CBFA2T3: variants seen among roughly 807,000 people sequenced by gnomAD.
CBFA2T3 encodes the protein transcriptional corepressor CBFA2T3.
A neutral mutation model predicts 58.6 loss-of-function variants in CBFA2T3; 31 were observed. The observed-to-expected ratio is 0.53, with a 90% CI of 0.40 to 0.71. The LOEUF (loss-of-function observed/expected upper bound fraction) is 0.71, where lower values mean the gene tolerates loss of function less well. Among genes scored for constraint, CBFA2T3 ranks in the 30% least tolerant of loss-of-function variants. CBFA2T3 has a pLI of 0.00. For missense variants in CBFA2T3, 1,076 were observed against 963.1 expected, an observed-to-expected ratio of 1.12 and a Z score of -1.55; for synonymous variants, 531 against 421.9, an observed-to-expected ratio of 1.26 and a Z score of -3.17.
chr16:88,897,419 C>G (rs1251587094), intron 3 of CBFA2T3, among the ~76,000 whole-genome samples: 1 of 152,258 alleles, frequency 6.6e-6, no homozygotes, highest in Non-Finnish European at 1.5e-5. Context: ...TCAAGCATGG[C>G]TGCACTCAGT....
intron 1 of CBFA2T3, among the ~76,000 whole-genome samples, chr16:88,908,611 G>A (rs1163256878): frequency 6.6e-6 from 1 of 152,174 alleles, no homozygotes; most frequent in Non-Finnish European, 1.5e-5. Flanking sequence ...ACAGCCCAGG[G>A]CTCCCAGCCT....
intron 1 of CBFA2T3, among the ~76,000 whole-genome samples, chr16:88,974,016 C>G (rs895013153): frequency 6.6e-6 from 1 of 152,214 alleles, no homozygotes; most frequent in Non-Finnish European, 1.5e-5. Context: ...TAAGGTGACA[C>G]CAGGCAGGCC....
chr16:88,882,772 G>A lies in CBFA2T3; in HGVS notation c.1118-11C>T. On this transcript the variant is annotated splice_polypyrimidine_tract_variant and intron_variant, in intron 7 of 11. Coordinates refer to ENST00000268679, the MANE Select transcript of CBFA2T3 (RefSeq NM_005187.6). ...GGGACCCAGGCACCACTGTGGATGG[G>A]GGAGGTGCACGCTTAGGTCCCACCC... The A allele has an allele frequency of 1.3e-6, 2 of 1,550,688 alleles. No individual in the cohort carries two copies. The highest frequency in any genetic ancestry group is 8.8e-7 in the Non-Finnish European group (1 of 1,141,600).
At chr16:88,971,072 G>A (rs1972644223) in intron 1 of CBFA2T3, among the ~76,000 whole-genome samples, 3 of 152,160 alleles carry the variant, frequency 2.0e-5, no homozygotes, top group Admixed American at 2.0e-4. Context: ...CCGTGGGTGT[G>A]CGCAGGTGTG....
chr16:88,882,615 TGTGTGCGTGGCTGTGC>T, intron 8 of CBFA2T3, 45 bp downstream of exon 8: 1 of 1,039,268 alleles, frequency 9.6e-7, no homozygotes, highest in African/African-American at 1.6e-5. Flanking sequence ...CGTGGCTGTG[TGTGTGCGTGGCTGTGC>T]GCCTGGGCAT....
In CBFA2T3 at chr16:88,958,189, A is replaced by G. The variant is rs1368928519; in HGVS notation, c.151+18468T>C. 6.6e-6 allele frequency among the ~76,000 whole-genome samples: 1 copy of G among 152,206 alleles called. No homozygotes were observed. Among genetic ancestry groups the G allele is most frequent in the Non-Finnish European group, 1.5e-5 (1 of 68,042 alleles). On this transcript the variant is annotated intron_variant, in intron 1 of 11. Transcript: ENST00000268679. This position sits in a 1 kb window ranked among gnomAD's most constrained non-coding sequence, Gnocchi z 4.0. ...CCTGGTCAGGCTGTCGGGGCCTCAG[A>G]CGGCAGAAACCTATCCCGAGAGGAA...
At chr16:88,896,008 C>T (rs913213307) in intron 3 of CBFA2T3, among the ~76,000 whole-genome samples, 4 of 152,196 alleles carry the variant, frequency 2.6e-5, no homozygotes, top group Middle Eastern at 3.2e-3. Flanking sequence ...CAGCCAGAGT[C>T]GCTCAGGCCT....
intron 1 of CBFA2T3, among the ~76,000 whole-genome samples, chr16:88,974,227 C>A (rs1463371559): frequency 6.6e-6 from 1 of 152,200 alleles, no homozygotes; most frequent in Non-Finnish European, 1.5e-5. Context: ...CTTGGGGGGA[C>A]AAGGCGGTGA....
chr16:88,924,920 C>G (rs1971036588), intron 1 of CBFA2T3, among the ~76,000 whole-genome samples: 1 of 152,228 alleles, frequency 6.6e-6, no homozygotes, highest in African/African-American at 2.4e-5. Flanking sequence ...CACAGAGCCA[C>G]ACTCCCCGCC....
chr16:88,910,200 C>T (rs1016234038), intron 1 of CBFA2T3, among the ~76,000 whole-genome samples: 2 of 152,372 alleles, frequency 1.3e-5, no homozygotes, highest in Non-Finnish European at 2.9e-5. Context: ...AATGCACTTC[C>T]ACCAGGTCCC....
intron 1 of CBFA2T3, among the ~76,000 whole-genome samples, chr16:88,907,941 A>C (rs760613667): frequency 1.3e-5 from 2 of 152,198 alleles, no homozygotes; most frequent in African/African-American, 2.4e-5. Context: ...CTGGGCATGC[A>C]GGAACTGGTC....
At chr16:88,923,940 A>G (rs1055284716) in intron 1 of CBFA2T3, among the ~76,000 whole-genome samples, 2 of 152,214 alleles carry the variant, frequency 1.3e-5, no homozygotes, top group African/African-American at 4.8e-5. Context: ...ACCACAGTGC[A>G]AGGACCACGA....
At chr16:88,976,596 G>C in intron 1 of CBFA2T3, 61 bp downstream of exon 1, 1 of 1,320,038 alleles carries the variant, frequency 7.6e-7, no homozygotes, top group Non-Finnish European at 1.1e-6. Flanking sequence ...AGGAGTCACA[G>C]CCCCGGCACC....
intron 1 of CBFA2T3, among the ~76,000 whole-genome samples, chr16:88,919,397 C>CT (rs1970840133): frequency 6.6e-6 from 1 of 152,212 alleles, no homozygotes; most frequent in African/African-American, 2.4e-5. Context: ...TAAATATGGC[C>CT]TTGCTGAGAG....
intron 1 of CBFA2T3, among the ~76,000 whole-genome samples, chr16:88,946,704 A>T (rs1971912365): frequency 6.6e-6 from 1 of 151,994 alleles, no homozygotes; most frequent in Non-Finnish European, 1.5e-5. Flanking sequence ...GCTGGTCTCG[A>T]ACTCCTGACC....
chr16:88,880,702 C>T lies in CBFA2T3; in HGVS notation c.1471+18G>A, dbSNP rs1215249158. 1 of 1,555,104 alleles carries T rather than the reference C, an allele frequency of 6.4e-7. No individual in the cohort carries two copies. The highest frequency in any genetic ancestry group is 8.7e-7 in the Non-Finnish European group (1 of 1,148,678). On this transcript the variant is annotated intron_variant, in intron 10 of 11. Transcript: ENST00000268679. ...CCTCCCACAGCTCTGCTGGCCAGGC[C>T]CCTGCACCCCCACTCACCAGCCTTC...
intron 1 of CBFA2T3, chr16:88,938,545 C>T (rs1428438953): frequency 6.6e-6 from 1 of 152,082 alleles, no homozygotes; most frequent in Non-Finnish European, 1.5e-5. Flanking sequence ...GCTCTAAGAC[C>T]CACCCAGGAA....
chr16:88,909,086 C>T (rs1970436782), intron 1 of CBFA2T3, among the ~76,000 whole-genome samples: 1 of 152,208 alleles, frequency 6.6e-6, no homozygotes, highest in Non-Finnish European at 1.5e-5. Context: ...AGGGCATGGC[C>T]TGCAACCAAC....
At chr16:88,949,818 C>A (rs1180316930) in intron 1 of CBFA2T3, among the ~76,000 whole-genome samples, 1 of 152,022 alleles carries the variant, frequency 6.6e-6, no homozygotes, top group Non-Finnish European at 1.5e-5. Context: ...CAAGACCAGC[C>A]TGGCCGACAT....
Sources: allele counts gnomAD v4.1 joint callset (sites outside exome capture counted in the v4.1 genomes callset), GRCh38; gene constraint gnomAD v4.1.1; non-coding constraint Gnocchi (gnomAD v3.1); transcripts MANE v1.5; gene names NCBI Gene and HGNC (gene_info 2026-07-23, HGNC 2026-07-21).